FANK1: variants seen among roughly 807,000 people sequenced by gnomAD.
FANK1 encodes fibronectin type 3 and ankyrin repeat domains protein 1.
Under a neutral mutation model 45.3 loss-of-function variants are expected in FANK1, and 44 were observed. The ratio of observed to expected loss-of-function variants is 0.97; its 90% CI spans 0.76 to 1.25. The LOEUF (loss-of-function observed/expected upper bound fraction) is 1.25, where lower values mean the gene tolerates loss of function less well. Ranked by LOEUF, FANK1 falls within the 50% of genes most tolerant of loss-of-function variation. The probability of loss-of-function intolerance (pLI) is 0.00; values close to 1 mark genes in which losing one functional copy is unlikely to be tolerated. For synonymous variants in FANK1, 149 were observed against 152.5 expected (o/e 0.98, Z 0.17); for missense variants, 391 against 424.4 (o/e 0.92, Z 0.69).
chr10:125,944,268 A>G (rs1474518194), intron 1 of FANK1, among the ~76,000 whole-genome samples: 6 of 152,156 alleles, frequency 3.9e-5, no homozygotes, highest in Non-Finnish European at 7.3e-5. Context: ...TATTTTGTAC[A>G]TATTTTCCCT....
chr10:125,958,146 C>T (rs1462811023), intron 1 of FANK1, among the ~76,000 whole-genome samples: 1 of 152,090 alleles, frequency 6.6e-6, no homozygotes, highest in Non-Finnish European at 1.5e-5. Context: ...AGAACTAATT[C>T]CTCCTATCTA....
chr10:125,941,740 T>TATATCAAGTTG (rs1948465490), intron 1 of FANK1, among the ~76,000 whole-genome samples: 1 of 152,242 alleles, frequency 6.6e-6, no homozygotes, highest in Non-Finnish European at 1.5e-5. Flanking sequence ...TACTCACAAC[T>TATATCAAGTTG]TGATATATCC....
chr10:125,918,983 G>A (rs1946717437), intron 1 of FANK1, among the ~76,000 whole-genome samples: 1 of 151,950 alleles, frequency 6.6e-6, no homozygotes, highest in African/African-American at 2.4e-5. Context: ...TAAATCACTA[G>A]GAAAGGGAAG....
At chr10:125,910,894 T>C (rs975122103) in intron 1 of FANK1, among the ~76,000 whole-genome samples, 1 of 151,642 alleles carries the variant, frequency 6.6e-6, no homozygotes, top group Non-Finnish European at 1.5e-5. Flanking sequence ...ATTAGCCGGG[T>C]GTGGTGGCAT....
intron 1 of FANK1, among the ~76,000 whole-genome samples, chr10:125,912,101 G>A (rs1002290007): frequency 1.4e-4 from 22 of 152,208 alleles, no homozygotes; most frequent in Non-Finnish European, 2.8e-4. Context: ...CGTCTTTGAT[G>A]TTGACTGGTT....
At chr10:125,955,035 A>G (rs1949491939) in intron 1 of FANK1, among the ~76,000 whole-genome samples, 1 of 152,200 alleles carries the variant, frequency 6.6e-6, no homozygotes, top group African/African-American at 2.4e-5. Flanking sequence ...CAATCGCTTT[A>G]GCATTTTGTG....
intron 1 of FANK1, among the ~76,000 whole-genome samples, chr10:125,921,570 C>T (rs187489592): frequency 9.0e-4 from 137 of 152,250 alleles, no homozygotes; most frequent in Middle Eastern, 3.4e-3. Context: ...GGTCCGTGTA[C>T]GTTTGACTTT....
chr10:125,952,878 T>G (rs1192647292), intron 1 of FANK1, among the ~76,000 whole-genome samples: 1 of 149,382 alleles, frequency 6.7e-6, no homozygotes, highest in Non-Finnish European at 1.5e-5. Context: ...ACGTGCCTGA[T>G]ATGGTGGACT....
chr10:125,973,436 G>A, intron 1 of FANK1: 11 of 985,386 alleles, frequency 1.1e-5, no homozygotes, highest in Non-Finnish European at 1.3e-5. Context: ...GAAGATGTGA[G>A]TCATTGTGAC....
intron 1 of FANK1, among the ~76,000 whole-genome samples, chr10:125,957,667 G>GGC (rs1018922407): frequency 1.3e-5 from 2 of 152,060 alleles, no homozygotes; most frequent in Admixed American, 6.6e-5. Context: ...TGGGACTACA[G>GGC]GCACCCGGCA....
intron 1 of FANK1, among the ~76,000 whole-genome samples, chr10:125,913,730 T>C (rs1423931385): frequency 6.6e-6 from 1 of 152,162 alleles, no homozygotes; most frequent in East Asian, 1.9e-4. Flanking sequence ...GGGGGCAAGT[T>C]GTAGCAGCCC....
chr10:125,945,403 G>C (rs1214403663), intron 1 of FANK1, among the ~76,000 whole-genome samples: 1 of 152,222 alleles, frequency 6.6e-6, no homozygotes, highest in African/African-American at 2.4e-5. Context: ...CGCACCGTGC[G>C]CAAGCCGAAG....
At chr10:125,981,144 AGT>A (rs1461805083) in intron 2 of FANK1, among the ~76,000 whole-genome samples, 1 of 152,240 alleles carries the variant, frequency 6.6e-6, no homozygotes. Flanking sequence ...GTTCCTTGAC[AGT>A]GCTGGCTGTT....
chr10:126,001,077 T>G (rs1380735555), intron 6 of FANK1, among the ~76,000 whole-genome samples: 1 of 152,212 alleles, frequency 6.6e-6, no homozygotes, highest in Non-Finnish European at 1.5e-5. Flanking sequence ...TTTGGAAATG[T>G]GCATCCATAT....
intron 1 of FANK1, chr10:125,960,253 C>A: frequency 3.4e-6 from 1 of 296,038 alleles, no homozygotes; most frequent in Admixed American, 3.7e-5. Flanking sequence ...CCTGCTGGAA[C>A]ACTGACCAGC....
In FANK1 at chr10:125,996,644, T is replaced by C; in HGVS notation, c.473+20T>C. ...CACCAGGTATGGCTCTTCTTTTTTT[T>C]AAATCTCTCTTGGGGATTTAACTTT... On this transcript the variant is annotated intron_variant, in intron 5 of 10. Coordinates refer to ENST00000368693, the MANE Select transcript of FANK1 (RefSeq NM_145235.5). 3.1e-6 allele frequency: 5 copies of C among 1,610,160 alleles called. No individual in the cohort carries two copies. The highest frequency in any genetic ancestry group is 1.7e-4 in the Middle Eastern group (1 of 6,046).
intron 1 of FANK1, among the ~76,000 whole-genome samples, chr10:125,931,062 C>T (rs191442798): frequency 6.6e-6 from 1 of 152,312 alleles, no homozygotes; most frequent in Admixed American, 6.5e-5. Context: ...CTTTTTATGA[C>T]CGAGTAATAT....
intron 1 of FANK1, among the ~76,000 whole-genome samples, chr10:125,959,445 A>G (rs1949787054): frequency 1.3e-5 from 2 of 151,524 alleles, no homozygotes; most frequent in African/African-American, 4.8e-5. Flanking sequence ...ATACGAAATA[A>G]TGTATTTAGG....
At chr10:125,996,717 G>T in intron 5 of FANK1, 93 bp downstream of exon 5, 1 of 1,194,268 alleles carries the variant, frequency 8.4e-7, no homozygotes, top group Non-Finnish European at 1.2e-6. Context: ...GAGGAAAAAG[G>T]GCCATGGAGG....
Sources: allele counts gnomAD v4.1 joint callset (sites outside exome capture counted in the v4.1 genomes callset), GRCh38; gene constraint gnomAD v4.1.1; transcripts MANE v1.5; gene names NCBI Gene and HGNC (gene_info 2026-07-23, HGNC 2026-07-21).